NR2C2AP: variants seen among roughly 807,000 people sequenced by gnomAD.
NR2C2AP encodes nuclear receptor 2C2 associated protein.
NR2C2AP carries 13 observed loss-of-function variants against 19.1 expected under a neutral mutation model. The observed-to-expected ratio is 0.68, with a 90% CI of 0.44 to 1.08. NR2C2AP has a LOEUF of 1.08. Ranked by LOEUF, NR2C2AP falls within the 50% of genes least tolerant of loss-of-function variation. The pLI is 0.00. For missense variants in NR2C2AP, 181 were observed against 172.7 expected (o/e 1.05, Z -0.27); for synonymous variants, 81 against 64.4 (o/e 1.26, Z -1.23).
chr19:19,202,382 C>T lies in NR2C2AP; in HGVS notation c.252G>A (p.Gln84=), dbSNP rs982349076. 1 of 1,614,044 alleles carries T rather than the reference C, an allele frequency of 6.2e-7. No homozygotes were observed. The highest frequency in any genetic ancestry group is 8.5e-7 in the Non-Finnish European group (1 of 1,180,042). ...AGAAATCTACAATCTTGTGGAGAGC[C>T]TGAGTGCCCTGTGAACCTTCAGCAG... is the stretch of plus-strand genomic sequence containing the variant. ...RGCLEGSQGT[Q]ALHKIVDFYP... Residue 84 remains glutamine, a synonymous_variant, in exon 4 of 5, where the codon CAG becomes CAA. Coordinates refer to ENST00000331552, the MANE Select transcript of NR2C2AP (RefSeq NM_176880.6).
At position 19,201,415 on chromosome 19, in the gene NR2C2AP, T is replaced by G; in HGVS notation, c.*510A>C. 1.4e-6 allele frequency: 2 copies of G among 1,437,726 alleles called. No individual in the cohort carries two copies. 89.1% of individuals were successfully genotyped at this position (1,437,726 alleles called of 1,614,324 possible). On this transcript the variant is annotated 3_prime_UTR_variant, in exon 5 of 5. Coordinates refer to ENST00000331552, the MANE Select transcript of NR2C2AP (RefSeq NM_176880.6). ...GAAAGTCACAATTCACACATTTTGCTTGGTAGGAAATATTTTTATATTAAT... is the reference window on the plus strand; with the variant it reads ...GAAAGTCACAATTCACACATTTTGCGTGGTAGGAAATATTTTTATATTAAT...
At position 19,203,154 on chromosome 19, in the gene NR2C2AP, G is replaced by C; in HGVS notation, c.-94C>G. 1.5e-6 allele frequency: 2 copies of C among 1,342,154 alleles called. No homozygotes were observed. Among genetic ancestry groups the C allele is most frequent in the Non-Finnish European group, 2.1e-6 (2 of 949,780 alleles). 83.1% of individuals were successfully genotyped at this position (1,342,154 alleles called of 1,614,324 possible). A position where few individuals can be genotyped will look rare whatever the true frequency, so the allele number is the denominator to read the frequency against. ...CAAGCTACAGGGCGGCGCGATCTTG[G>C]CTACGCCTTGGCCTGAACGTCCTCA... On this transcript the variant is annotated 5_prime_UTR_variant, in exon 1 of 5. Transcript: ENST00000331552.
chr19:19,201,831 C>A lies in NR2C2AP; in HGVS notation c.*94G>T. The A allele has an allele frequency of 6.2e-7, 1 of 1,611,506 alleles. No individual in the cohort carries two copies. The highest frequency in any genetic ancestry group is 8.5e-7 in the Non-Finnish European group (1 of 1,178,760). On this transcript the variant is annotated 3_prime_UTR_variant, in exon 5 of 5. Coordinates refer to ENST00000331552, the MANE Select transcript of NR2C2AP (RefSeq NM_176880.6). Reference sequence around the variant, plus strand: ...TCTGGACAGGTGGTGGGAGGGGACCCTTCCCAAGAGGAACCAATAAACCTT... The same window carrying A: ...TCTGGACAGGTGGTGGGAGGGGACCATTCCCAAGAGGAACCAATAAACCTT...
chr19:19,201,732 G>T lies in NR2C2AP; in HGVS notation c.*193C>A. On this transcript the variant is annotated 3_prime_UTR_variant, in exon 5 of 5. Coordinates refer to ENST00000331552, the MANE Select transcript of NR2C2AP (RefSeq NM_176880.6). ...TGACCCTGAGTGAAGGCCGCCTGCC[G>T]GGGACTCAGACACTCAGGGAACAAA... 1 of 1,613,700 alleles carries T rather than the reference G, an allele frequency of 6.2e-7. No individual in the cohort carries two copies. Among genetic ancestry groups the T allele is most frequent in the Non-Finnish European group, 8.5e-7 (1 of 1,179,948 alleles).
Position 19,201,708 on chromosome 19 carries a change from G to A in NR2C2AP, c.*217C>T. On this transcript the variant is annotated 3_prime_UTR_variant, in exon 5 of 5. Transcript: ENST00000331552. Reference sequence around the variant, plus strand: ...CTTCCAGAGCAACCTGGTGCCCGCTGACCCTGAGTGAAGGCCGCCTGCCGG... The same window carrying A: ...CTTCCAGAGCAACCTGGTGCCCGCTAACCCTGAGTGAAGGCCGCCTGCCGG... The A allele has an allele frequency of 1.9e-6, 3 of 1,614,016 alleles. No individual in the cohort carries two copies. Among genetic ancestry groups the A allele is most frequent in the Non-Finnish European group, 1.7e-6 (2 of 1,180,012 alleles).
intron 4 of NR2C2AP, 56 bp from the exon 5 acceptor site, chr19:19,202,097 C>T: frequency 6.3e-7 from 1 of 1,578,982 alleles, no homozygotes; most frequent in Non-Finnish European, 8.7e-7. Flanking sequence ...CCCGCAGGCC[C>T]CCACCCCTTC....
Position 19,202,334 on chromosome 19 carries a change from A to G in NR2C2AP, c.300T>C (p.Leu100=), listed in dbSNP as rs1164410744. Residue 100 remains leucine (L), a synonymous_variant, in exon 4 of 5, where the codon CTT becomes CTC. Coordinates refer to ENST00000331552, the MANE Select transcript of NR2C2AP (RefSeq NM_176880.6). ...CCCAGAAGCAGGGGCAGGATATCTG[A>G]AGCGAGTTGTTGTCCTCAGGGTAGA... ...VDFYPEDNNS[L]QTFPIPAAEV... is the part of the protein sequence containing the mutation. The G allele has an allele frequency of 6.2e-7, 1 of 1,614,204 alleles. No homozygotes were observed. The highest frequency in any genetic ancestry group is 1.1e-5 in the South Asian group (1 of 91,092).
chr19:19,202,318 A>AG lies in NR2C2AP; in HGVS notation c.303+12dup. The AG allele has an allele frequency of 6.2e-7, 1 of 1,612,822 alleles. No individual in the cohort carries two copies. On this transcript the variant is annotated intron_variant, in intron 4 of 4. Coordinates refer to ENST00000331552, the MANE Select transcript of NR2C2AP (RefSeq NM_176880.6). Reference sequence around the variant, plus strand: ...GGCACAGACCACCCACCCCAGAAGCAGGGGCAGGATATCTGAAGCGAGTTG... The same window carrying AG: ...GGCACAGACCACCCACCCCAGAAGCAGGGGGCAGGATATCTGAAGCGAGTTG...
rs761785108 is a variant in NR2C2AP at position 19,202,046 on chromosome 19, G to T, written c.304-5C>A. ...AGCAGCTGGTATGGGGAAAGTGTGA[G>T]CGTGGGCAGTCAAGGGAAACTGGTG... On this transcript the variant is annotated splice_polypyrimidine_tract_variant and splice_region_variant and intron_variant, in intron 4 of 4. Coordinates refer to ENST00000331552, the MANE Select transcript of NR2C2AP (RefSeq NM_176880.6). 1 of 1,614,094 alleles carries T rather than the reference G, an allele frequency of 6.2e-7. No individual in the cohort carries two copies. Among genetic ancestry groups the T allele is most frequent in the East Asian group, 2.2e-5 (1 of 44,882 alleles).
chr19:19,203,160 C>A lies in NR2C2AP; in HGVS notation c.-100G>T. The A allele has an allele frequency of 7.8e-7, 1 of 1,279,982 alleles. No homozygotes were observed. Among genetic ancestry groups the A allele is most frequent in the Non-Finnish European group, 1.1e-6 (1 of 895,428 alleles). The allele number at this position is 1,279,982 out of a possible 1,614,324, so 79.3% of individuals were successfully genotyped here. On this transcript the variant is annotated 5_prime_UTR_variant, in exon 1 of 5. Coordinates refer to ENST00000331552, the MANE Select transcript of NR2C2AP (RefSeq NM_176880.6). ...ACAGGGCGGCGCGATCTTGGCTACGCCTTGGCCTGAACGTCCTCACCTGTA... is the reference window on the plus strand; with the variant it reads ...ACAGGGCGGCGCGATCTTGGCTACGACTTGGCCTGAACGTCCTCACCTGTA...
Position 19,202,038 on chromosome 19 carries a change from A to G in NR2C2AP, c.307T>C (p.Phe103Leu). The G allele has an allele frequency of 6.2e-7, 1 of 1,614,168 alleles. No homozygotes were observed. The highest frequency in any genetic ancestry group is 8.5e-7 in the Non-Finnish European group (1 of 1,180,026). The change falls in exon 5 of 5, where the codon TTC (phenylalanine) becomes CTC (leucine). Residue 103 changes from phenylalanine (F) to leucine (L), a missense_variant. By Grantham distance (22) the Phe-to-Leu change is conservative (BLOSUM62 0). Coordinates refer to ENST00000331552, the MANE Select transcript of NR2C2AP (RefSeq NM_176880.6). Reference sequence around the variant, plus strand: ...TCCACTTCAGCAGCTGGTATGGGGAAAGTGTGAGCGTGGGCAGTCAAGGGA... The same window carrying G: ...TCCACTTCAGCAGCTGGTATGGGGAGAGTGTGAGCGTGGGCAGTCAAGGGA... Reference protein sequence around the residue: ...YPEDNNSLQTFPIPAAEVDRL... With the variant: ...YPEDNNSLQTLPIPAAEVDRL...
intron 2 of NR2C2AP, 34 bp downstream of exon 2, chr19:19,202,757 C>T (rs1302867809): frequency 1.3e-6 from 2 of 1,582,430 alleles, no homozygotes; most frequent in Non-Finnish European, 1.7e-6. Flanking sequence ...ATCTGAATCA[C>T]CCTAGAGATG....
intron 2 of NR2C2AP, 63 bp downstream of exon 2, chr19:19,202,728 C>A (rs1490288431): frequency 6.5e-7 from 1 of 1,529,964 alleles, no homozygotes; most frequent in African/African-American, 1.4e-5. Context: ...CCCTGACGTT[C>A]TCAAGGCATG....
chr19:19,203,051 A>C lies in NR2C2AP; in HGVS notation c.10T>G (p.Ser4Ala). ...CTCACTGTCTCTGGACAAACCAAAG[A>C]GTGGGTCATGTCGGTTCCACAAGAC... MTH[S>A]LVCPETVSRV... Residue 4 changes from serine (S) to alanine (A), a missense_variant, in exon 1 of 5, where the codon TCT becomes GCT. Transcript: ENST00000331552. 6.2e-7 allele frequency: 1 copy of C among 1,614,034 alleles called. No homozygotes were observed. Among genetic ancestry groups the C allele is most frequent in the Non-Finnish European group, 8.5e-7 (1 of 1,179,940 alleles).
chr19:19,202,903 C>T, intron 1 of NR2C2AP, 22 bp from the exon 2 acceptor site: 2 of 1,611,848 alleles, frequency 1.2e-6, no homozygotes, highest in Non-Finnish European at 1.7e-6. Flanking sequence ...AGGATCAAGG[C>T]GAAGAGAGGG....
In NR2C2AP at chr19:19,203,057, T is replaced by C. The variant is rs778238341; in HGVS notation, c.4A>G (p.Thr2Ala). 12 of 1,613,872 alleles carry C rather than the reference T, an allele frequency of 7.4e-6. No homozygotes were observed. The highest frequency in any genetic ancestry group is 1.0e-5 in the Non-Finnish European group (12 of 1,179,904). ...GTCTCTGGACAAACCAAAGAGTGGGTCATGTCGGTTCCACAAGACCTCGCA... is the reference window on the plus strand; with the variant it reads ...GTCTCTGGACAAACCAAAGAGTGGGCCATGTCGGTTCCACAAGACCTCGCA... M[T>A]HSLVCPETVS... is the part of the protein sequence containing the mutation. Residue 2 changes from threonine (T) to alanine (A), a missense_variant, in exon 1 of 5, where the codon ACC becomes GCC. Coordinates refer to ENST00000331552, the MANE Select transcript of NR2C2AP (RefSeq NM_176880.6).
chr19:19,202,338 G>A lies in NR2C2AP; in HGVS notation c.296C>T (p.Ser99Leu). The A allele has an allele frequency of 1.2e-6, 2 of 1,614,136 alleles. No individual in the cohort carries two copies. Among genetic ancestry groups the A allele is most frequent in the Non-Finnish European group, 1.7e-6 (2 of 1,179,966 alleles). ...IVDFYPEDNN[S>L]LQTFPIPAAE... ...GAAGCAGGGGCAGGATATCTGAAGCGAGTTGTTGTCCTCAGGGTAGAAATC... is the reference window on the plus strand; with the variant it reads ...GAAGCAGGGGCAGGATATCTGAAGCAAGTTGTTGTCCTCAGGGTAGAAATC... The change falls in exon 4 of 5, where the codon TCG becomes TTG. Residue 99 changes from serine (S) to leucine (L), a missense_variant. Physicochemically the swap from Ser to Leu is moderately radical, Grantham distance 145 (BLOSUM62 -2). Transcript: ENST00000331552.
chr19:19,203,006 TC>T lies in NR2C2AP; in HGVS notation c.38+16del. On this transcript the variant is annotated intron_variant, in intron 1 of 4. Coordinates refer to ENST00000331552, the MANE Select transcript of NR2C2AP (RefSeq NM_176880.6). Reference sequence around the variant, plus strand: ...AGGCTTAGGGCCTCGCCACTGCCTGTCCCCACAGACTCTTACCTGCTCACTG... The same window carrying T: ...AGGCTTAGGGCCTCGCCACTGCCTGTCCCACAGACTCTTACCTGCTCACTG... 1 of 1,614,068 alleles carries T rather than the reference TC, an allele frequency of 6.2e-7. No individual in the cohort carries two copies. The highest frequency in any genetic ancestry group is 8.5e-7 in the Non-Finnish European group (1 of 1,179,978).
rs2060743281 is a variant in NR2C2AP, at chr19:19,203,158, C to G, written c.-98G>C. 1.5e-6 allele frequency: 2 copies of G among 1,290,670 alleles called. No individual in the cohort carries two copies. The highest frequency in any genetic ancestry group is 1.5e-5 in the African/African-American group (1 of 68,194). 80.0% of individuals were successfully genotyped at this position (1,290,670 alleles called of 1,614,324 possible). A position where few individuals can be genotyped will look rare whatever the true frequency, so the allele number is the denominator to read the frequency against. On this transcript the variant is annotated 5_prime_UTR_variant, in exon 1 of 5. Coordinates refer to ENST00000331552, the MANE Select transcript of NR2C2AP (RefSeq NM_176880.6). ...CTACAGGGCGGCGCGATCTTGGCTACGCCTTGGCCTGAACGTCCTCACCTG... is the reference window on the plus strand; with the variant it reads ...CTACAGGGCGGCGCGATCTTGGCTAGGCCTTGGCCTGAACGTCCTCACCTG...
Sources: allele counts gnomAD v4.1 joint callset, GRCh38; gene constraint gnomAD v4.1.1; transcripts MANE v1.5; gene names NCBI Gene and HGNC (gene_info 2026-07-23, HGNC 2026-07-21).